ATP2C2: variants seen among roughly 807,000 people sequenced by gnomAD.
The protein encoded by ATP2C2 is calcium-transporting ATPase type 2C member 2.
In ATP2C2, 171 loss-of-function variants were observed where a neutral mutation model predicts 110.8. That is an observed-to-expected ratio of 1.54 (90% CI 1.36 to 1.75). The LOEUF (loss-of-function observed/expected upper bound fraction) is 1.75, where lower values mean the gene tolerates loss of function less well. ATP2C2 is among the 40% of genes most tolerant of loss of function. The pLI is 0.00. For missense variants in ATP2C2, 1,963 were observed against 1,235.0 expected (o/e 1.59, Z -8.84); for synonymous variants, 804 against 508.4 (o/e 1.58, Z -7.82).
chr16:84,462,189 T>A (rs1597894041), intron 26 of ATP2C2, 60 bp downstream of exon 26: 1 of 1,571,896 alleles, frequency 6.4e-7, no homozygotes, highest in East Asian at 2.3e-5. Context: ...GGGCGGCAGC[T>A]GCCAGGTGGG....
In ATP2C2 at chr16:84,370,797, C is replaced by G. The variant is rs537639482; in HGVS notation, c.99+2083C>G. ...CATCCAGGATGCCTGTAGGAGGCCT[C>G]TAAGCCCTCCCCTCCCCCAGCCACT... On this transcript the variant is annotated intron_variant, in intron 1 of 26. Transcript: ENST00000262429. Among the ~76,000 whole-genome samples, 223 of 152,004 alleles carry G rather than the reference C, an allele frequency of 1.5e-3. 1 individual carries two copies. Among genetic ancestry groups the G allele is most frequent in the Non-Finnish European group, 2.3e-3 (159 of 67,980 alleles).
intron 6 of ATP2C2, among the ~76,000 whole-genome samples, chr16:84,412,369 T>C (rs541749006): frequency 2.7e-5 from 3 of 110,756 alleles, no homozygotes; most frequent in Non-Finnish European, 4.3e-5. Context: ...TGTGCATGTG[T>C]GTGTGCGTGT....
At chr16:84,450,504 T>C (rs1160712930) in intron 17 of ATP2C2, among the ~76,000 whole-genome samples, 1 of 151,852 alleles carries the variant, frequency 6.6e-6, no homozygotes, top group Non-Finnish European at 1.5e-5. Flanking sequence ...CCTCTTGGGA[T>C]AGAGCGCTAC....
chr16:84,454,373 T>G (rs1597872671), intron 20 of ATP2C2, among the ~76,000 whole-genome samples: 1 of 152,234 alleles, frequency 6.6e-6, no homozygotes, highest in Non-Finnish European at 1.5e-5. Flanking sequence ...GCTCTTTTAG[T>G]AGACGGGCTT....
intron 2 of ATP2C2, among the ~76,000 whole-genome samples, chr16:84,402,288 C>T (rs867123356): frequency 2.6e-5 from 4 of 152,154 alleles, no homozygotes; most frequent in South Asian, 4.2e-4. Flanking sequence ...TGACTTCTTC[C>T]TTTCCAATTT....
At chr16:84,421,343 C>T (rs1008212876) in intron 7 of ATP2C2, among the ~76,000 whole-genome samples, 8 of 152,342 alleles carry the variant, frequency 5.3e-5, no homozygotes, top group Non-Finnish European at 8.8e-5. Flanking sequence ...GGGTGACAGG[C>T]GGCCACTGTC....
chr16:84,404,616 T>A (rs529741116), intron 2 of ATP2C2: 7 of 258,070 alleles, frequency 2.7e-5, no homozygotes, highest in African/African-American at 1.4e-4. Flanking sequence ...ATTGGTGGGT[T>A]GTTTCCTCCT....
intron 6 of ATP2C2, among the ~76,000 whole-genome samples, chr16:84,413,563 A>G (rs1390306166): frequency 6.6e-6 from 1 of 152,328 alleles, no homozygotes; most frequent in African/African-American, 2.4e-5. Context: ...TAAATGATTT[A>G]TGTGATTTGA....
intron 1 of ATP2C2, among the ~76,000 whole-genome samples, chr16:84,369,621 A>G (rs1909835444): frequency 1.3e-5 from 2 of 152,178 alleles, no homozygotes; most frequent in Admixed American, 1.3e-4. Context: ...AGTGAAAGGA[A>G]ACTTCAAAGG....
chr16:84,423,497 T>C (rs977270998), intron 10 of ATP2C2, among the ~76,000 whole-genome samples: 1 of 152,222 alleles, frequency 6.6e-6, no homozygotes, highest in Non-Finnish European at 1.5e-5. Flanking sequence ...CGCTTGTTCC[T>C]TGCTCACACC....
intron 1 of ATP2C2, among the ~76,000 whole-genome samples, chr16:84,374,377 C>T (rs1045503249): frequency 6.6e-6 from 1 of 152,198 alleles, no homozygotes; most frequent in Non-Finnish European, 1.5e-5. Context: ...TGCAAATATG[C>T]ACACTGGTGT....
chr16:84,454,061 A>G (rs1332864080), intron 20 of ATP2C2, among the ~76,000 whole-genome samples: 3 of 152,120 alleles, frequency 2.0e-5, no homozygotes, highest in Non-Finnish European at 4.4e-5. Context: ...GGCTGGTCTC[A>G]AACTCCTGAC....
intron 1 of ATP2C2, among the ~76,000 whole-genome samples, chr16:84,388,783 T>G (rs1313646249): frequency 6.6e-6 from 1 of 152,224 alleles, no homozygotes; most frequent in Admixed American, 6.5e-5. Flanking sequence ...TTTCTGTTTT[T>G]GTTTTTTGAG....
chr16:84,419,254 T>C (rs1470204302), intron 7 of ATP2C2, among the ~76,000 whole-genome samples: 3 of 133,954 alleles, frequency 2.2e-5, no homozygotes, highest in African/African-American at 8.4e-5. Flanking sequence ...ACTGGGGCCA[T>C]GCTCCTGCAG....
In ATP2C2 at chr16:84,415,799, CACTTTAAGCCTG is replaced by C. The variant is rs535119686; in HGVS notation, c.624+211_624+222del. On this transcript the variant is annotated intron_variant, in intron 7 of 26. Coordinates refer to ENST00000262429, the MANE Select transcript of ATP2C2 (RefSeq NM_014861.4). The stretch of plus-strand genomic sequence containing the variant: ...ACCATATTTCATAAATTGTCATCCT[CACTTTAAGCCTG>C]ACAACCTTTGGCTATACGATTTTCC... 3.9e-4 allele frequency among the ~76,000 whole-genome samples: 59 copies of C among 152,320 alleles called. No homozygotes were observed. The South Asian group carries it at 4.8e-3, about 12-fold the overall frequency.
At chr16:84,401,672 C>T (rs1490263300) in intron 2 of ATP2C2, among the ~76,000 whole-genome samples, 2 of 152,104 alleles carry the variant, frequency 1.3e-5, no homozygotes, top group Non-Finnish European at 2.9e-5. Flanking sequence ...GTTCTCTATT[C>T]TGTTTCACTG....
rs1237134247 is a variant in ATP2C2, at chr16:84,454,843, T to C, written c.2006T>C (p.Val669Ala). 3.1e-6 allele frequency: 5 copies of C among 1,611,682 alleles called. No individual in the cohort carries two copies. The highest frequency in any genetic ancestry group is 3.4e-5 in the Admixed American group (2 of 59,398). The change falls in exon 21 of 27, where the codon GTG (valine) becomes GCG (alanine). Residue 669 changes from valine to alanine, a missense_variant. Physicochemically the swap from Val to Ala is moderately conservative, Grantham distance 64. Transcript: ENST00000262429. ...IKALQESGAI[V>A]AMTGDGVNDA... ...GCTCTGCAGGAGTCAGGGGCGATCG[T>C]GGCCATGACTGGGGATGGGGTGAAC... is the stretch of plus-strand genomic sequence containing the variant.
chr16:84,373,900 T>A lies in ATP2C2; in HGVS notation c.99+5186T>A, dbSNP rs530106285. On this transcript the variant is annotated intron_variant, in intron 1 of 26. Transcript: ENST00000262429. ...CTAAGAATGTCTGCTAATGTGTGTA[T>A]GTACAAAATGACATTTACATTTGTC... is the stretch of plus-strand genomic sequence containing the variant. Among the ~76,000 whole-genome samples, 3 of 152,326 alleles carry A rather than the reference T, an allele frequency of 2.0e-5. No homozygotes were observed. The East Asian group carries it at 5.8e-4, about 29-fold the overall frequency.
At chr16:84,390,519 T>C (rs1175392158) in intron 1 of ATP2C2, among the ~76,000 whole-genome samples, 2 of 152,164 alleles carry the variant, frequency 1.3e-5, no homozygotes, top group African/African-American at 4.8e-5. Flanking sequence ...GCAAATAACA[T>C]CTTGGGGGTT....
Sources: allele counts gnomAD v4.1 joint callset (sites outside exome capture counted in the v4.1 genomes callset), GRCh38; gene constraint gnomAD v4.1.1; transcripts MANE v1.5; gene names NCBI Gene and HGNC (gene_info 2026-07-23, HGNC 2026-07-21).